CXXC5: variants seen among roughly 807,000 people sequenced by gnomAD.
CXXC5 encodes the protein CXXC-type zinc finger protein 5.
CXXC5 carries 2 observed loss-of-function variants against 17.6 expected under a neutral mutation model. The observed-to-expected ratio is 0.11, with a 90% CI of 0.05 to 0.36. The LOEUF is 0.36. CXXC5 is among the 10% of genes least tolerant of loss of function. The pLI is 1.00. For synonymous variants in CXXC5, 171 were observed against 193.0 expected (o/e 0.89, Z 0.94); for missense variants, 343 against 458.3 (o/e 0.75, Z 2.30).
intron 1 of CXXC5, among the ~76,000 whole-genome samples, chr5:139,657,328 C>G (rs993975053): frequency 6.6e-6 from 1 of 152,232 alleles, no homozygotes; most frequent in African/African-American, 2.4e-5. Flanking sequence ...ACCTTCCACA[C>G]TATCTGGCAC....
At chr5:139,679,383 G>A (rs1327663930) in intron 1 of CXXC5, among the ~76,000 whole-genome samples, 5 of 152,224 alleles carry the variant, frequency 3.3e-5, no homozygotes, top group African/African-American at 1.2e-4. Context: ...TCTCACTGTG[G>A]CAGGGGACGG....
chr5:139,674,084 G>T (rs181906156), intron 1 of CXXC5, among the ~76,000 whole-genome samples: 62 of 152,268 alleles, frequency 4.1e-4, no homozygotes, highest in Non-Finnish European at 6.9e-4. Context: ...CTGGGTGCTC[G>T]CAGTGGCCAG....
intron 1 of CXXC5, among the ~76,000 whole-genome samples, chr5:139,677,453 G>GT (rs1756914953): frequency 6.6e-6 from 1 of 152,188 alleles, no homozygotes; most frequent in Admixed American, 6.5e-5. Context: ...CAGGACATCA[G>GT]TTTTTCCTAA....
chr5:139,676,539 A>G (rs1481534193), intron 1 of CXXC5, among the ~76,000 whole-genome samples: 2 of 24,130 alleles, frequency 8.3e-5, no homozygotes, highest in African/African-American at 2.0e-4. Flanking sequence ...TGTCCTCCCC[A>G]CCCTCGTCCC....
At chr5:139,664,718 G>T (rs2126774864) in intron 1 of CXXC5, among the ~76,000 whole-genome samples, 1 of 152,302 alleles carries the variant, frequency 6.6e-6, no homozygotes, top group East Asian at 1.9e-4. Context: ...CCCAGGCCCA[G>T]AGCTCCTGTA....
In CXXC5 at chr5:139,680,493, T is replaced by A; in HGVS notation, c.-31T>A. The A allele has an allele frequency of 1.3e-6, 2 of 1,533,366 alleles. No individual in the cohort carries two copies. Among genetic ancestry groups the A allele is most frequent in the Non-Finnish European group, 1.8e-6 (2 of 1,142,034 alleles). 95.0% of individuals were successfully genotyped at this position (1,533,366 alleles called of 1,614,324 possible). ...GACCCTCGGCAGTTGGCAGGCTCCC[T>A]CTGCAGTGGGGTCTGGGCCTCGGCC... is the stretch of plus-strand genomic sequence containing the variant. On this transcript the variant is annotated 5_prime_UTR_variant, in exon 2 of 3. Coordinates refer to ENST00000302517, the MANE Select transcript of CXXC5 (RefSeq NM_016463.9).
Position 139,682,973 on chromosome 5 carries a change from A to G in CXXC5, c.*66A>G. Reference sequence around the variant, plus strand: ...CTGCTCGTGTGGTCTCCAGCAAGGGATTCGGGCGAAGACAAACGGATGCAC... The same window carrying G: ...CTGCTCGTGTGGTCTCCAGCAAGGGGTTCGGGCGAAGACAAACGGATGCAC... On this transcript the variant is annotated 3_prime_UTR_variant, in exon 3 of 3. Transcript: ENST00000302517. The G allele has an allele frequency of 7.0e-7, 1 of 1,431,238 alleles. No homozygotes were observed. Among genetic ancestry groups the G allele is most frequent in the Non-Finnish European group, 9.4e-7 (1 of 1,069,510 alleles). The allele number at this position is 1,431,238 out of a possible 1,614,324, so 88.7% of individuals were successfully genotyped here.
Position 139,663,838 on chromosome 5 carries a change from G to C in CXXC5, c.-161+14993G>C, listed in dbSNP as rs1046992112. Reference sequence around the variant, plus strand: ...TTCACATAGGTCCTCTCCAGGACCTGACGAGGTGGGGGCTGTCAGCGGCTG... The same window carrying C: ...TTCACATAGGTCCTCTCCAGGACCTCACGAGGTGGGGGCTGTCAGCGGCTG... On this transcript the variant is annotated intron_variant, in intron 1 of 2. Coordinates refer to ENST00000302517, the MANE Select transcript of CXXC5 (RefSeq NM_016463.9). The surrounding 1 kb of genome is among the most constrained non-coding windows in gnomAD (Gnocchi z 4.2). 6.6e-6 allele frequency among the ~76,000 whole-genome samples: 1 copy of C among 152,210 alleles called. No individual in the cohort carries two copies. Among genetic ancestry groups the C allele is most frequent in the African/African-American group, 2.4e-5 (1 of 41,442 alleles).
chr5:139,661,024 A>C lies in CXXC5; in HGVS notation c.-161+12179A>C, dbSNP rs953089559. 6.6e-6 allele frequency among the ~76,000 whole-genome samples: 1 copy of C among 152,146 alleles called. No homozygotes were observed. Among genetic ancestry groups the C allele is most frequent in the Admixed American group, 6.5e-5 (1 of 15,280 alleles). ...AACCCCGGAGCTGCAGCCTGGGCCG[A>C]GGGGGCCAGGGCAGCCGGAGTCTGG... On this transcript the variant is annotated intron_variant, in intron 1 of 2. Coordinates refer to ENST00000302517, the MANE Select transcript of CXXC5 (RefSeq NM_016463.9). The surrounding 1 kb of genome is among the most constrained non-coding windows in gnomAD (Gnocchi z 4.7).
At chr5:139,649,488 C>G (rs1198681233) in intron 1 of CXXC5, 1 of 152,260 alleles carries the variant, frequency 6.6e-6, no homozygotes, top group South Asian at 2.1e-4. Context: ...GAGCCTCCCC[C>G]ACCACTTGGA....
At chr5:139,660,719 T>TG (rs35832706) in intron 1 of CXXC5, among the ~76,000 whole-genome samples, 1 of 87,142 alleles carries the variant, frequency 1.1e-5, no homozygotes, top group Non-Finnish European at 2.2e-5. Flanking sequence ...TTGGTGAACA[T>TG]GGGGGGGTTT....
In CXXC5 at chr5:139,681,353, A is replaced by G; in HGVS notation, c.830A>G (p.Gln277Arg). Residue 277 changes from glutamine (Q) to arginine (R), a missense_variant, in exon 2 of 3, where the codon CAG (glutamine) becomes CGG (arginine). Physicochemically the swap from Gln to Arg is conservative, Grantham distance 43. Around this residue, in one of 4 missense-constraint regions of CXXC5, gnomAD observed 21 missense variants for 41.0 expected, o/e 0.51. Transcript: ENST00000302517. ...TGCCGGCGGCGCATCAACTGCGAGC[A>G]GTGCAGCAGTTGTAGGAATCGAAAG... Reference protein sequence around the residue: ...APCRRRINCEQCSSCRNRKTG... With the variant: ...APCRRRINCERCSSCRNRKTG... 6.2e-7 allele frequency: 1 copy of G among 1,606,826 alleles called. No homozygotes were observed. The highest frequency in any genetic ancestry group is 8.5e-7 in the Non-Finnish European group (1 of 1,175,918).
intron 1 of CXXC5, among the ~76,000 whole-genome samples, chr5:139,665,123 G>C (rs1756030596): frequency 6.6e-6 from 1 of 152,252 alleles, no homozygotes; most frequent in Non-Finnish European, 1.5e-5. Flanking sequence ...GGCTGTCAAG[G>C]CCGCCAACTG....
rs201905705 is a variant in CXXC5 at position 139,680,690 on chromosome 5, C to T, written c.167C>T (p.Pro56Leu). 1 of 1,613,408 alleles carries T rather than the reference C, an allele frequency of 6.2e-7. No homozygotes were observed. Among genetic ancestry groups the T allele is most frequent in the South Asian group, 1.1e-5 (1 of 91,088 alleles). ...PASVADDTPPPERRNKSGIIS... is the reference protein window; with the variant it reads ...PASVADDTPPLERRNKSGIIS... The stretch of plus-strand genomic sequence containing the variant: ...TCAGTGGCAGATGACACACCACCCC[C>T]CGAGCGTCGGAACAAGAGCGGTATC... Residue 56 changes from proline (P) to leucine (L), a missense_variant, in exon 2 of 3, where the codon CCC becomes CTC. Physicochemically the swap from Pro to Leu is moderately conservative, Grantham distance 98 (BLOSUM62 -3). Around this residue, in one of 4 missense-constraint regions of CXXC5, gnomAD observed 297 missense variants for 363.4 expected, o/e 0.82. Coordinates refer to ENST00000302517, the MANE Select transcript of CXXC5 (RefSeq NM_016463.9).
intron 1 of CXXC5, among the ~76,000 whole-genome samples, chr5:139,672,111 G>A (rs1277035464): frequency 2.0e-5 from 3 of 152,018 alleles, no homozygotes; most frequent in Non-Finnish European, 1.5e-5. Flanking sequence ...TTATTTATTT[G>A]TTTGTTTGTT....
At position 139,663,552 on chromosome 5, in the gene CXXC5, A is replaced by G. The variant is rs1755935322; in HGVS notation, c.-161+14707A>G. On this transcript the variant is annotated intron_variant, in intron 1 of 2. Transcript: ENST00000302517. The surrounding 1 kb of genome is among the most constrained non-coding windows in gnomAD (Gnocchi z 4.2). ...TCGTTGTAACCTTCAGGCTTCTACC[A>G]CATGTCCATCCCCCCATGGTCCTGC... is the stretch of plus-strand genomic sequence containing the variant. 6.6e-6 allele frequency among the ~76,000 whole-genome samples: 1 copy of G among 152,156 alleles called. No homozygotes were observed. Among genetic ancestry groups the G allele is most frequent in the Non-Finnish European group, 1.5e-5 (1 of 68,012 alleles).
intron 1 of CXXC5, chr5:139,665,787 G>C (rs1208891143): frequency 1.3e-5 from 2 of 152,442 alleles, no homozygotes; most frequent in Admixed American, 6.5e-5. Context: ...TGACCTGGCT[G>C]GGCAGCCCTG....
intron 1 of CXXC5, among the ~76,000 whole-genome samples, chr5:139,674,398 A>C (rs1460478542): frequency 6.6e-6 from 1 of 151,658 alleles, no homozygotes; most frequent in East Asian, 1.9e-4. Context: ...GGTGGGGGGG[A>C]GGAGACAAGG....
At chr5:139,679,046 G>A (rs1757030628) in intron 1 of CXXC5, among the ~76,000 whole-genome samples, 2 of 152,358 alleles carry the variant, frequency 1.3e-5, no homozygotes, top group Middle Eastern at 3.4e-3. Flanking sequence ...GGCTGCCTTG[G>A]AAATATGGAG....
Sources: allele counts gnomAD v4.1 joint callset (sites outside exome capture counted in the v4.1 genomes callset), GRCh38; gene constraint gnomAD v4.1.1; regional missense constraint gnomAD v4.1.1; non-coding constraint Gnocchi (gnomAD v3.1); transcripts MANE v1.5; gene names NCBI Gene and HGNC (gene_info 2026-07-23, HGNC 2026-07-21).